PTPRT: variants seen among roughly 807,000 people sequenced by gnomAD.
PTPRT encodes the protein receptor-type tyrosine-protein phosphatase T.
PTPRT carries 56 observed loss-of-function variants against 176.8 expected under a neutral mutation model. That is an observed-to-expected ratio of 0.32 (90% CI 0.26 to 0.40). The LOEUF (loss-of-function observed/expected upper bound fraction) is 0.40. PTPRT is among the 10% of genes least tolerant of loss of function. PTPRT has a pLI of 1.00. For synonymous variants in PTPRT, 783 were observed against 739.0 expected, an observed-to-expected ratio of 1.06 and a Z score of -0.96; for missense variants, 1,540 against 1,908.2, an observed-to-expected ratio of 0.81 and a Z score of 3.60.
the PTPRT span, among the ~76,000 whole-genome samples, chr20:42,043,867 G>A: frequency 6.6e-6 from 1 of 152,236 alleles, no homozygotes; most frequent in East Asian, 1.9e-4. Flanking sequence ...ATATCTGACT[G>A]CAGTGGGCAG....
Position 42,076,831 on chromosome 20 carries a change from G to A in PTPRT, c.*4048C>T, listed in dbSNP as rs1268820534. Reference sequence around the variant, plus strand: ...TGCATGAATTGTGAACGTAAAACATGAGACTATGAAGGAATTTTAAGCTTA... The same window carrying A: ...TGCATGAATTGTGAACGTAAAACATAAGACTATGAAGGAATTTTAAGCTTA... On this transcript the variant is annotated 3_prime_UTR_variant, in exon 31 of 31. Transcript: ENST00000373187. The A allele has an allele frequency of 5.0e-6, 1 of 201,998 alleles. No individual in the cohort carries two copies. The highest frequency in any genetic ancestry group is 1.0e-5 in the Non-Finnish European group (1 of 98,416). The allele number at this position is 201,998 out of a possible 1,614,324, so 12.5% of individuals were successfully genotyped here.
chr20:42,678,783 G>A (rs2075552590), intron 6 of PTPRT, among the ~76,000 whole-genome samples: 1 of 152,224 alleles, frequency 6.6e-6, no homozygotes, highest in African/African-American at 2.4e-5. Flanking sequence ...GCTGCTGGGT[G>A]AATACTCTGT....
the PTPRT span, among the ~76,000 whole-genome samples, chr20:42,058,064 T>C: frequency 6.6e-6 from 1 of 152,116 alleles, no homozygotes; most frequent in Non-Finnish European, 1.5e-5. Context: ...AGCCTCTCCT[T>C]CCTCCTGAAT....
At chr20:42,908,154 G>C (rs148228549) in intron 1 of PTPRT, among the ~76,000 whole-genome samples, 151 of 152,180 alleles carry the variant, frequency 9.9e-4, no homozygotes, top group African/African-American at 3.5e-3. Flanking sequence ...AAGGCAGCAA[G>C]AGAACGGGGG....
chr20:42,379,921 A>C (rs2058683886), intron 9 of PTPRT, among the ~76,000 whole-genome samples: 1 of 152,190 alleles, frequency 6.6e-6, no homozygotes, highest in Non-Finnish European at 1.5e-5. Context: ...ATGGGCTTTC[A>C]AAAGGCCTGT....
intron 1 of PTPRT, among the ~76,000 whole-genome samples, chr20:42,888,447 T>C (rs1244739553): frequency 6.6e-6 from 1 of 152,240 alleles, no homozygotes; most frequent in African/African-American, 2.4e-5. Flanking sequence ...AGCTGTCATG[T>C]AATCCTCACA....
At chr20:42,225,692 G>T (rs563733593) in intron 15 of PTPRT, among the ~76,000 whole-genome samples, 1 of 152,030 alleles carries the variant, frequency 6.6e-6, no homozygotes. Flanking sequence ...ACTCTTTGTC[G>T]CCCAGGCTGG....
intron 6 of PTPRT, among the ~76,000 whole-genome samples, chr20:42,734,259 T>C (rs920072098): frequency 1.7e-4 from 26 of 152,112 alleles, no homozygotes; most frequent in Admixed American, 9.8e-4. Flanking sequence ...GGGAGTGACA[T>C]TGACTCCAAC....
chr20:42,151,039 T>A (rs1351149890), intron 17 of PTPRT, among the ~76,000 whole-genome samples: 1 of 152,126 alleles, frequency 6.6e-6, no homozygotes, highest in Non-Finnish European at 1.5e-5. Context: ...ATCTTCCATA[T>A]CCTCTTTCCC....
At chr20:42,356,557 G>A (rs2058360677) in intron 9 of PTPRT, among the ~76,000 whole-genome samples, 1 of 152,002 alleles carries the variant, frequency 6.6e-6, no homozygotes, top group Non-Finnish European at 1.5e-5. Flanking sequence ...TTATCCAGGT[G>A]TGGTGGTGCA....
At chr20:42,837,870 G>T (rs2078209861) in intron 2 of PTPRT, among the ~76,000 whole-genome samples, 1 of 152,166 alleles carries the variant, frequency 6.6e-6, no homozygotes, top group Admixed American at 6.5e-5. Flanking sequence ...TAGGATTGGG[G>T]ACTGAGGGAA....
At chr20:42,137,373 C>A (rs1429887749) in intron 18 of PTPRT, among the ~76,000 whole-genome samples, 2 of 152,138 alleles carry the variant, frequency 1.3e-5, no homozygotes, top group East Asian at 3.9e-4. Flanking sequence ...GAGTGAGGGT[C>A]CTCTCTGCAC....
At chr20:42,759,873 T>C (rs901589614) in intron 5 of PTPRT, among the ~76,000 whole-genome samples, 4 of 152,046 alleles carry the variant, frequency 2.6e-5, no homozygotes, top group Admixed American at 2.0e-4. Flanking sequence ...CCCCAACAGG[T>C]GGTGTCTCTG....
chr20:42,973,291 G>GA (rs1253913837), intron 1 of PTPRT, among the ~76,000 whole-genome samples: 2 of 151,720 alleles, frequency 1.3e-5, no homozygotes, highest in African/African-American at 2.4e-5. Flanking sequence ...TTTTGGGGAG[G>GA]AAAAAAAACC....
At chr20:42,409,287 C>T (rs1358490033) in intron 9 of PTPRT, among the ~76,000 whole-genome samples, 2 of 151,764 alleles carry the variant, frequency 1.3e-5, no homozygotes, top group Non-Finnish European at 2.9e-5. Context: ...TCGAGACCAG[C>T]CTGGCCAATA....
chr20:43,132,381 C>T (rs188522394), intron 1 of PTPRT, among the ~76,000 whole-genome samples: 22 of 152,132 alleles, frequency 1.4e-4, no homozygotes. Context: ...AGAGTAAAAA[C>T]AAAACTAAAT....
At chr20:43,131,841 C>A (rs2013654410) in intron 1 of PTPRT, among the ~76,000 whole-genome samples, 1 of 152,166 alleles carries the variant, frequency 6.6e-6, no homozygotes, top group Non-Finnish European at 1.5e-5. Context: ...CCCCCAAACA[C>A]AGGCTATCAA....
At chr20:42,675,815 C>A (rs2075492123) in intron 7 of PTPRT, among the ~76,000 whole-genome samples, 1 of 152,136 alleles carries the variant, frequency 6.6e-6, no homozygotes, top group African/African-American at 2.4e-5. Flanking sequence ...TAGGTGAGAA[C>A]AAACATCAGA....
chr20:42,056,112 C>A, the PTPRT span, among the ~76,000 whole-genome samples: 1 of 152,068 alleles, frequency 6.6e-6, no homozygotes. Flanking sequence ...TATTGAAGTT[C>A]TAATTGTATT....
Sources: allele counts gnomAD v4.1 joint callset (sites outside exome capture counted in the v4.1 genomes callset), GRCh38; gene constraint gnomAD v4.1.1; transcripts MANE v1.5; gene names NCBI Gene and HGNC (gene_info 2026-07-23, HGNC 2026-07-21).